The following CC2D2B variants were observed in gnomAD, a reference collection of about 807,000 sequenced individuals.
The protein encoded by CC2D2B is protein CC2D2B.
CC2D2B carries 128 observed loss-of-function variants against 161.2 expected under a neutral mutation model. The ratio of observed to expected loss-of-function variants is 0.79; its 90% CI spans 0.69 to 0.92. CC2D2B has a LOEUF of 0.92. CC2D2B is among the 40% of genes least tolerant of loss of function. CC2D2B has a pLI of 0.00. For synonymous variants in CC2D2B, 391 were observed against 449.8 expected, an observed-to-expected ratio of 0.87 and a Z score of 1.65; for missense variants, 1,173 against 1,375.1, an observed-to-expected ratio of 0.85 and a Z score of 2.32.
intron 25 of CC2D2B, among the ~76,000 whole-genome samples, chr10:96,004,584 C>A (rs2078666622): frequency 6.6e-6 from 1 of 152,114 alleles, no homozygotes; most frequent in Admixed American, 6.6e-5. Flanking sequence ...ATCTTATTAT[C>A]TGATCAAAGA....
intron 11 of CC2D2B, among the ~76,000 whole-genome samples, chr10:95,960,600 C>T (rs1387394802): frequency 6.6e-6 from 1 of 152,082 alleles, no homozygotes; most frequent in African/African-American, 2.4e-5. Context: ...GCAGTCTCAA[C>T]CTTCTAGTCT....
chr10:95,952,306 G>T (rs2076429446), intron 10 of CC2D2B: 1 of 152,144 alleles, frequency 6.6e-6, no homozygotes, highest in Admixed American at 6.6e-5. Context: ...GCAGATTTCT[G>T]CTCTTTTTCC....
chr10:95,933,551 C>T (rs2141240475), intron 6 of CC2D2B, among the ~76,000 whole-genome samples: 1 of 152,122 alleles, frequency 6.6e-6, no homozygotes, highest in Non-Finnish European at 1.5e-5. Flanking sequence ...TGTTGGTGAC[C>T]TTTGGATGGG....
At chr10:95,937,481 A>G (rs1012876591) in intron 6 of CC2D2B, among the ~76,000 whole-genome samples, 10 of 151,928 alleles carry the variant, frequency 6.6e-5, no homozygotes, top group Non-Finnish European at 1.3e-4. Context: ...GAATTTCACT[A>G]TAATCACTCT....
chr10:95,984,594 C>T (rs1181540185), intron 19 of CC2D2B: 1 of 151,920 alleles, frequency 6.6e-6, no homozygotes, highest in East Asian at 1.9e-4. Context: ...TTCTTTTTTT[C>T]AGCCAGGTGC....
chr10:95,946,209 G>A (rs370430947), intron 9 of CC2D2B, among the ~76,000 whole-genome samples: 40 of 152,344 alleles, frequency 2.6e-4, no homozygotes, highest in African/African-American at 9.4e-4. Context: ...CTCCTCAAAT[G>A]TTTGAAGCCT....
intron 11 of CC2D2B, among the ~76,000 whole-genome samples, chr10:95,960,740 T>C (rs1356404687): frequency 6.6e-6 from 1 of 152,180 alleles, no homozygotes. Context: ...CTTCAACTTC[T>C]GGGGTCAAGT....
At chr10:95,972,264 C>T (rs1590675848) in intron 16 of CC2D2B, 48 bp downstream of exon 16, 2 of 1,159,942 alleles carry the variant, frequency 1.7e-6, no homozygotes, top group East Asian at 3.2e-5. Flanking sequence ...TTCCTGAGTA[C>T]CATATTCCTA....
intron 10 of CC2D2B, chr10:95,952,322 G>T (rs1444735647): frequency 1.3e-5 from 2 of 152,108 alleles, no homozygotes; most frequent in Non-Finnish European, 2.9e-5. Flanking sequence ...TTTCCCTCTA[G>T]CTTTAAAAAA....
intron 33 of CC2D2B, among the ~76,000 whole-genome samples, chr10:96,026,280 C>T (rs1368776613): frequency 6.6e-6 from 1 of 152,180 alleles, no homozygotes; most frequent in African/African-American, 2.4e-5. Flanking sequence ...AACCAACCCA[C>T]ACTGTGTCCC....
intron 32 of CC2D2B, chr10:96,021,360 GT>G (rs2079450335): frequency 1.3e-5 from 2 of 152,210 alleles, no homozygotes; most frequent in African/African-American, 4.8e-5. Flanking sequence ...CAGTACATGA[GT>G]TGTGAAGTAC....
At chr10:96,026,609 C>G (rs2079789168) in intron 33 of CC2D2B, among the ~76,000 whole-genome samples, 1 of 152,064 alleles carries the variant, frequency 6.6e-6, no homozygotes, top group African/African-American at 2.4e-5. Flanking sequence ...TAGGTGTTGT[C>G]AAATCACACC....
At position 96,025,190 on chromosome 10, in the gene CC2D2B, A is replaced by ATAT. The variant is rs1564684381; in HGVS notation, c.3947+279_3947+280insTAT. 4.8e-3 allele frequency among the ~76,000 whole-genome samples: 253 copies of ATAT among 52,920 alleles called. 6 individuals carry two copies. The highest frequency in any genetic ancestry group is 0.016 in the Admixed American group (81 of 4,990). The allele number at this position is 52,920 out of a possible 152,430, so 34.7% of individuals were successfully genotyped here. A position where few individuals can be genotyped will look rare whatever the true frequency, so the allele number is the denominator to read the frequency against. Reference sequence around the variant, plus strand: ...ATATATATATATATATATATAAAAAAAAATATATATATATATATATATATA... The same window carrying ATAT: ...ATATATATATATATATATATAAAAAATATAAATATATATATATATATATATATA... On this transcript the variant is annotated intron_variant, in intron 33 of 34. Coordinates refer to ENST00000646931, the MANE Select transcript of CC2D2B (RefSeq NM_001349008.3).
At chr10:95,980,996 C>A (rs180860420) in intron 17 of CC2D2B, among the ~76,000 whole-genome samples, 1 of 152,244 alleles carries the variant, frequency 6.6e-6, no homozygotes. Context: ...CTAAAGAAAT[C>A]CTTACTCAAT....
intron 24 of CC2D2B, among the ~76,000 whole-genome samples, chr10:96,001,433 A>G (rs1477079603): frequency 6.6e-6 from 1 of 152,048 alleles, no homozygotes. Context: ...ATATGATTTT[A>G]TAGGATTTCT....
chr10:95,942,388 T>C (rs1454305333), intron 9 of CC2D2B, among the ~76,000 whole-genome samples: 1 of 152,178 alleles, frequency 6.6e-6, no homozygotes, highest in Non-Finnish European at 1.5e-5. Context: ...TTTTAAAAAA[T>C]TCTTTTTTCT....
chr10:95,929,551 C>T (rs1590391246), intron 6 of CC2D2B, among the ~76,000 whole-genome samples: 2 of 152,200 alleles, frequency 1.3e-5, no homozygotes, highest in East Asian at 3.9e-4. Flanking sequence ...AGTCTTTAAT[C>T]CATCTCGAGT....
intron 29 of CC2D2B, among the ~76,000 whole-genome samples, 169 bp from the exon 30 acceptor site, chr10:96,016,032 C>T (rs2079184447): frequency 6.6e-6 from 1 of 152,150 alleles, no homozygotes; most frequent in Non-Finnish European, 1.5e-5. Flanking sequence ...CCTCTAATGC[C>T]CTAGCAAAGC....
rs1041378265 is a variant in CC2D2B at position 95,934,192 on chromosome 10, C to T, written c.337-3799C>T. Among the ~76,000 whole-genome samples the T allele has an allele frequency of 2.6e-5, 4 of 152,114 alleles. 1 individual carries two copies. Among genetic ancestry groups the T allele is most frequent in the South Asian group, 4.1e-4 (2 of 4,828 alleles). ...TTGTTTACACTGTAAGGGGAAAACC[C>T]GCCTACCCAAGCCTCAGTAATGGCG... On this transcript the variant is annotated intron_variant, in intron 6 of 34. Coordinates refer to ENST00000646931, the MANE Select transcript of CC2D2B (RefSeq NM_001349008.3).
Sources: allele counts gnomAD v4.1 joint callset (sites outside exome capture counted in the v4.1 genomes callset), GRCh38; gene constraint gnomAD v4.1.1; transcripts MANE v1.5; gene names NCBI Gene and HGNC (gene_info 2026-07-23, HGNC 2026-07-21).